The following MAPKAPK3 variants were observed in gnomAD, a reference collection of about 807,000 sequenced individuals.
The protein encoded by MAPKAPK3 is MAP kinase-activated protein kinase 3.
MAPKAPK3 carries 35 observed loss-of-function variants against 49.2 expected under a neutral mutation model. That is an observed-to-expected ratio of 0.71 (90% CI 0.54 to 0.94). The LOEUF is 0.94. MAPKAPK3 is among the 40% of genes least tolerant of loss of function. MAPKAPK3 has a pLI of 0.00. For synonymous variants in MAPKAPK3, 178 were observed against 188.7 expected (o/e 0.94, Z 0.46); for missense variants, 398 against 493.1 (o/e 0.81, Z 1.83).
At chr3:50,624,554 T>A (rs767746678) in intron 2 of MAPKAPK3, among the ~76,000 whole-genome samples, 2 of 151,824 alleles carry the variant, frequency 1.3e-5, no homozygotes, top group African/African-American at 2.4e-5. Context: ...GACTCCTGGG[T>A]CACTTGGGCT....
exon 1 of MAPKAPK3, chr3:50,611,926 C>G: frequency 2.3e-6 from 1 of 442,952 alleles, no homozygotes; most frequent in Non-Finnish European, 3.9e-6. Flanking sequence ...CGGTGGGGCC[C>G]GGGCGGGGTG....
intron 2 of MAPKAPK3, among the ~76,000 whole-genome samples, chr3:50,635,480 C>T (rs1471619445): frequency 3.3e-5 from 4 of 122,548 alleles, no homozygotes; most frequent in African/African-American, 1.3e-4. Context: ...TGCAGTGGCA[C>T]GATCTCAGCT....
chr3:50,644,749 T>C (rs1273499642), intron 6 of MAPKAPK3, among the ~76,000 whole-genome samples: 1 of 152,200 alleles, frequency 6.6e-6, no homozygotes, highest in Non-Finnish European at 1.5e-5. Flanking sequence ...TCCAGGAAAA[T>C]TCTGGCTGTG....
intron 5 of MAPKAPK3, among the ~76,000 whole-genome samples, chr3:50,642,649 A>G (rs956806556): frequency 2.0e-5 from 3 of 152,242 alleles, no homozygotes; most frequent in African/African-American, 7.2e-5. Context: ...GCCTTGTGAG[A>G]TAAGTGCCAT....
rs1387833282 is a variant in MAPKAPK3, at chr3:50,644,564, C to T, written c.628+32C>T. ...CCTTCGGACATGAGTTGTAACTCCTCACCCCAACTTATACAGCTGTATTAT... is the reference window on the plus strand; with the variant it reads ...CCTTCGGACATGAGTTGTAACTCCTTACCCCAACTTATACAGCTGTATTAT... On this transcript the variant is annotated intron_variant, in intron 6 of 10. Coordinates refer to ENST00000621469, the MANE Select transcript of MAPKAPK3 (RefSeq NM_001243925.2). The T allele has an allele frequency of 3.7e-6, 6 of 1,611,950 alleles. No individual in the cohort carries two copies. In the African/African-American group the frequency reaches 4.0e-5, roughly 11 times the overall value.
At chr3:50,639,300 TCAG>T (rs1252821472) in intron 2 of MAPKAPK3, among the ~76,000 whole-genome samples, 1 of 152,162 alleles carries the variant, frequency 6.6e-6, no homozygotes, top group Non-Finnish European at 1.5e-5. Context: ...CTCACTCCAC[TCAG>T]CTGTCATCTC....
chr3:50,619,324 G>A (rs2032552131), intron 2 of MAPKAPK3, among the ~76,000 whole-genome samples: 1 of 152,202 alleles, frequency 6.6e-6, no homozygotes, highest in Non-Finnish European at 1.5e-5. Flanking sequence ...TCTCCCCGGA[G>A]TACCTTGGAG....
At chr3:50,646,882 G>C in intron 9 of MAPKAPK3, 57 bp downstream of exon 9, 1 of 1,558,000 alleles carries the variant, frequency 6.4e-7, no homozygotes. Flanking sequence ...GGGGCTGCCG[G>C]GCAGGAGGGT....
At chr3:50,617,393 A>T (rs1436171198) in intron 1 of MAPKAPK3, 121 bp from the exon 2 acceptor site, 1 of 579,042 alleles carries the variant, frequency 1.7e-6, no homozygotes, top group Non-Finnish European at 3.1e-6. Flanking sequence ...CTGTACTCTC[A>T]GGCCGTTCGT....
At chr3:50,611,698 G>T (rs984623093), upstream of MAPKAPK3, 26 of 1,452,572 alleles carry the variant, frequency 1.8e-5, no homozygotes, top group Non-Finnish European at 2.4e-5. Flanking sequence ...GCTGGACGGC[G>T]GCGGCTGGAG....
At chr3:50,621,016 A>G (rs1220461720) in intron 2 of MAPKAPK3, among the ~76,000 whole-genome samples, 1 of 152,220 alleles carries the variant, frequency 6.6e-6, no homozygotes, top group Non-Finnish European at 1.5e-5. Flanking sequence ...ACATACATGA[A>G]AATTGGGACC....
chr3:50,635,383 C>T (rs2033009188), intron 2 of MAPKAPK3, among the ~76,000 whole-genome samples: 1 of 147,620 alleles, frequency 6.8e-6, no homozygotes, highest in Admixed American at 6.8e-5. Context: ...TGTTGAGCCT[C>T]ACTGGGGCCT....
upstream of MAPKAPK3, chr3:50,617,112 T>TGGGGAGGG (rs2032485345): frequency 4.5e-4 from 2 of 4,430 alleles, no homozygotes; most frequent in Admixed American, 1.6e-3. Flanking sequence ...GAGGGGGGGG[T>TGGGGAGGG]GGGGAGGGGG....
upstream of MAPKAPK3, chr3:50,612,783 G>T (rs376992976): frequency 5.3e-5 from 8 of 152,230 alleles, no homozygotes; most frequent in African/African-American, 1.9e-4. Context: ...TAATCTGGGA[G>T]TAGGGTGATA....
upstream of MAPKAPK3, among the ~76,000 whole-genome samples, chr3:50,615,805 G>A (rs1318902940): frequency 1.3e-5 from 2 of 152,196 alleles, no homozygotes; most frequent in African/African-American, 4.8e-5. Context: ...AAGAAATAGG[G>A]GCAGAGCCCC....
At chr3:50,634,964 C>T (rs956411836) in intron 2 of MAPKAPK3, among the ~76,000 whole-genome samples, 2 of 152,158 alleles carry the variant, frequency 1.3e-5, no homozygotes, top group African/African-American at 4.8e-5. Context: ...TTGCAAGGAA[C>T]GCCTGTCTAG....
intron 5 of MAPKAPK3, among the ~76,000 whole-genome samples, chr3:50,642,573 A>C (rs1008524091): frequency 2.0e-5 from 3 of 152,244 alleles, no homozygotes; most frequent in African/African-American, 7.2e-5. Flanking sequence ...AATAGTAATA[A>C]GAATAACTGA....
intron 2 of MAPKAPK3, among the ~76,000 whole-genome samples, chr3:50,629,728 G>C (rs991183097): frequency 2.2e-4 from 33 of 152,076 alleles, no homozygotes; most frequent in African/African-American, 7.5e-4. Flanking sequence ...TGGGAGCCTC[G>C]CTCAGGTCCC....
intron 3 of MAPKAPK3, among the ~76,000 whole-genome samples, 171 bp from the exon 4 acceptor site, chr3:50,641,536 C>A (rs79850873): frequency 0.016 from 2,379 of 152,298 alleles, 33 homozygotes; most frequent in Non-Finnish European, 0.026. Context: ...CCTAAGCTGA[C>A]AACCCACCAT....
Sources: gnomAD v4.1 joint callset for allele counts (sites outside exome capture counted in the v4.1 genomes callset) on GRCh38, gnomAD v4.1.1 for gene constraint, MANE v1.5 for transcripts, NCBI Gene and HGNC (gene_info 2026-07-23, HGNC 2026-07-21) for gene names.